Variants in KIF6 observed in about 807,000 individuals in gnomAD.
KIF6 encodes the protein kinesin-like protein KIF6.
Under a neutral mutation model 112.7 loss-of-function variants are expected in KIF6, and 106 were observed. The observed-to-expected ratio is 0.94, with a 90% CI of 0.80 to 1.11. KIF6 has a LOEUF of 1.11. Among genes scored for constraint, KIF6 ranks in the 50% least tolerant of loss-of-function variants. The probability of loss-of-function intolerance (pLI) is 0.00; values close to 1 mark genes in which losing one functional copy is unlikely to be tolerated. For missense variants in KIF6, 929 were observed against 964.0 expected (o/e 0.96, Z 0.48); for synonymous variants, 339 against 339.9 (o/e 1.00, Z 0.03).
chr6:39,594,120 G>A (rs1487790229), intron 7 of KIF6, among the ~76,000 whole-genome samples: 3 of 151,816 alleles, frequency 2.0e-5, no homozygotes, highest in African/African-American at 7.3e-5. Context: ...CTACTCACAC[G>A]AGGCTGTCAT....
intron 16 of KIF6, among the ~76,000 whole-genome samples, chr6:39,377,353 G>A (rs1335441821): frequency 2.0e-5 from 2 of 99,698 alleles, no homozygotes; most frequent in African/African-American, 4.3e-5. Context: ...CTGCCCTGCC[G>A]TCCCCCATCC....
intron 4 of KIF6, among the ~76,000 whole-genome samples, chr6:39,637,995 C>A (rs1044419177): frequency 3.3e-5 from 5 of 151,900 alleles, no homozygotes; most frequent in Non-Finnish European, 4.4e-5. Flanking sequence ...ACTTTAGTAA[C>A]CATAGATAAA....
intron 13 of KIF6, among the ~76,000 whole-genome samples, chr6:39,485,583 G>A (rs1775064782): frequency 6.6e-6 from 1 of 152,128 alleles, no homozygotes; most frequent in Non-Finnish European, 1.5e-5. Context: ...CGATTCTCAA[G>A]TGAAGAGATT....
intron 5 of KIF6, among the ~76,000 whole-genome samples, chr6:39,627,384 T>G (rs1016374127): frequency 1.3e-4 from 20 of 152,184 alleles, no homozygotes; most frequent in Non-Finnish European, 2.9e-4. Flanking sequence ...TATTTTATAC[T>G]AGCTTTATCC....
At chr6:39,415,135 C>T (rs1012418285) in intron 15 of KIF6, among the ~76,000 whole-genome samples, 1 of 151,850 alleles carries the variant, frequency 6.6e-6, no homozygotes, top group Non-Finnish European at 1.5e-5. Context: ...TGCAGTGACC[C>T]GAGATTGCGC....
intron 9 of KIF6, chr6:39,583,502 G>C (rs757194169): frequency 4.2e-6 from 2 of 471,328 alleles, no homozygotes; most frequent in African/African-American, 2.0e-5. Flanking sequence ...GAACATAACA[G>C]ACAGCCCCAT....
chr6:39,489,274 A>G (rs755497319), intron 13 of KIF6, among the ~76,000 whole-genome samples: 7 of 152,048 alleles, frequency 4.6e-5, no homozygotes, highest in African/African-American at 1.7e-4. Flanking sequence ...GGCTGTTAAC[A>G]ATTTTCCAAA....
At position 39,335,303 on chromosome 6, in the gene KIF6, A is replaced by G. The variant is rs1762875183; in HGVS notation, c.*1229T>C. 1 of 152,092 alleles carries G rather than the reference A, an allele frequency of 6.6e-6. No homozygotes were observed. The highest frequency in any genetic ancestry group is 2.4e-5 in the African/African-American group (1 of 41,404). 9.4% of individuals were successfully genotyped at this position (152,092 alleles called of 1,614,324 possible). A position where few individuals can be genotyped will look rare whatever the true frequency, so the allele number is the denominator to read the frequency against. The stretch of plus-strand genomic sequence containing the variant: ...TCAGTGGCATAGAACAGCAAGCTGA[A>G]TCTCCCCTTCACTCTGGCCTTCTAA... On this transcript the variant is annotated 3_prime_UTR_variant, in exon 23 of 23. Coordinates refer to ENST00000287152, the MANE Select transcript of KIF6 (RefSeq NM_145027.6).
chr6:39,448,089 A>C (rs1204718991), intron 13 of KIF6, among the ~76,000 whole-genome samples: 2 of 152,088 alleles, frequency 1.3e-5, no homozygotes, highest in Non-Finnish European at 2.9e-5. Context: ...TCGCAGATAT[A>C]ATCTCCATCA....
chr6:39,706,330 A>T (rs1789208123), intron 3 of KIF6, among the ~76,000 whole-genome samples: 2 of 152,206 alleles, frequency 1.3e-5, no homozygotes, highest in South Asian at 4.1e-4. Context: ...TGTGTTTGAA[A>T]TGTGCATCTT....
chr6:39,573,663 A>G (rs1780766295), intron 10 of KIF6, among the ~76,000 whole-genome samples: 1 of 152,222 alleles, frequency 6.6e-6, no homozygotes, highest in African/African-American at 2.4e-5. Context: ...GACAGCAGAC[A>G]AGTCATTTCA....
chr6:39,630,960 C>T (rs1243946635), intron 5 of KIF6, among the ~76,000 whole-genome samples: 1 of 151,848 alleles, frequency 6.6e-6, no homozygotes, highest in Non-Finnish European at 1.5e-5. Flanking sequence ...CTGTTCATGC[C>T]ATGGACTACA....
chr6:39,710,469 G>GGA (rs1554153074), intron 3 of KIF6, among the ~76,000 whole-genome samples: 1 of 140,016 alleles, frequency 7.1e-6, no homozygotes, highest in African/African-American at 2.7e-5. Flanking sequence ...AAAGAAGACA[G>GGA]AAAAAAAAAA....
intron 6 of KIF6, among the ~76,000 whole-genome samples, chr6:39,605,183 C>T (rs1250625672): frequency 6.6e-6 from 1 of 152,030 alleles, no homozygotes; most frequent in Non-Finnish European, 1.5e-5. Context: ...AAAATGTCTG[C>T]CCAACCCCCT....
chr6:39,682,161 A>T (rs1242279954), intron 3 of KIF6, among the ~76,000 whole-genome samples: 2 of 152,202 alleles, frequency 1.3e-5, no homozygotes, highest in African/African-American at 4.8e-5. Context: ...AACAAGAAAA[A>T]GATCAGAAAG....
chr6:39,589,134 C>T (rs187532896), intron 7 of KIF6, among the ~76,000 whole-genome samples: 1 of 152,298 alleles, frequency 6.6e-6, no homozygotes, highest in Admixed American at 6.5e-5. Context: ...CTTATCCCCA[C>T]ATCAGAGCCT....
intron 13 of KIF6, among the ~76,000 whole-genome samples, chr6:39,455,512 T>G (rs1170445300): frequency 1.3e-5 from 2 of 152,100 alleles, no homozygotes; most frequent in Admixed American, 6.5e-5. Context: ...GGAACAAAGC[T>G]GGATGGAGAA....
Position 39,720,711 on chromosome 6 carries a change from T to C in KIF6, c.167A>G (p.Tyr56Cys), listed in dbSNP as rs767746081. The change falls in exon 2 of 23, where the codon TAC (tyrosine) becomes TGC (cysteine). Residue 56 changes from tyrosine to cysteine, a missense_variant. By Grantham distance (194) the Tyr-to-Cys change is radical. This residue lies in a region of KIF6 where 688 missense variants were observed against 662.7 expected (regional missense o/e 1.04). Transcript: ENST00000287152. ...DGFVNNKRESYKFKFQRIFDQ... is the reference protein window; with the variant it reads ...DGFVNNKRESCKFKFQRIFDQ... ...AGAAAGAAAAACTTACTTAAATTTG[T>C]AGCTTTCTCGCTTATTATTCACAAA... 1.9e-6 allele frequency: 3 copies of C among 1,558,958 alleles called. No individual in the cohort carries two copies. The South Asian group carries it at 3.3e-5, about 17-fold the overall frequency.
At chr6:39,645,985 G>A (rs1785150177) in intron 3 of KIF6, among the ~76,000 whole-genome samples, 1 of 151,930 alleles carries the variant, frequency 6.6e-6, no homozygotes. Context: ...TGGGGGCAGG[G>A]GGGAGGGATA....
Sources: gnomAD v4.1 joint callset for allele counts (sites outside exome capture counted in the v4.1 genomes callset) on GRCh38, gnomAD v4.1.1 for gene constraint, gnomAD v4.1.1 regional missense constraint, MANE v1.5 for transcripts, NCBI Gene and HGNC (gene_info 2026-07-23, HGNC 2026-07-21) for gene names.